The following TRIM29 variants were observed in gnomAD, a reference collection of about 807,000 sequenced individuals.
The protein encoded by TRIM29 is tripartite motif-containing protein 29.
TRIM29 carries 52 observed loss-of-function variants against 57.3 expected under a neutral mutation model. The ratio of observed to expected loss-of-function variants is 0.91; its 90% CI spans 0.73 to 1.14. TRIM29 has a LOEUF of 1.14. Ranked by LOEUF, TRIM29 falls within the 50% of genes most tolerant of loss-of-function variation. The probability of loss-of-function intolerance (pLI) is 0.00; values close to 1 mark genes in which losing one functional copy is unlikely to be tolerated. For missense variants in TRIM29, 753 were observed against 774.6 expected (o/e 0.97, Z 0.33); for synonymous variants, 319 against 316.9 (o/e 1.01, Z -0.07).
chr11:120,118,445 G>A (rs140387600), intron 6 of TRIM29, 124 bp from the exon 7 acceptor site: 375 of 672,910 alleles, frequency 5.6e-4, no homozygotes, highest in African/African-American at 4.3e-3. Flanking sequence ...GGATGCCACT[G>A]TGTGATCCCA....
intron 7 of TRIM29, 46 bp from the exon 8 acceptor site, chr11:120,115,460 C>T (rs1186228038): frequency 6.4e-7 from 1 of 1,556,124 alleles, no homozygotes; most frequent in South Asian, 1.2e-5. Flanking sequence ...CGCTGGTGGT[C>T]AGGGGTGCCC....
intron 2 of TRIM29, among the ~76,000 whole-genome samples, 167 bp downstream of exon 2, chr11:120,128,233 C>T (rs1022526143): frequency 1.3e-5 from 2 of 152,146 alleles, no homozygotes; most frequent in Non-Finnish European, 2.9e-5. Flanking sequence ...CTGGCTCAGA[C>T]TGAGAAGGGG....
chr11:120,122,090 C>T (rs1238218965), intron 5 of TRIM29: 3 of 388,624 alleles, frequency 7.7e-6, no homozygotes, highest in South Asian at 5.5e-5. Context: ...CTGTTGAGCT[C>T]ATCTCTCCAA....
intron 6 of TRIM29, among the ~76,000 whole-genome samples, chr11:120,119,605 T>A (rs1863383512): frequency 6.6e-6 from 1 of 152,186 alleles, no homozygotes; most frequent in Non-Finnish European, 1.5e-5. Context: ...CAGACACAGC[T>A]CTGTCCTCAA....
rs1244833862 is a variant in TRIM29, at chr11:120,137,528, G to A, written c.504C>T (p.Ser168=). Residue 168 remains serine, a synonymous_variant, in exon 1 of 9, where the codon TCC becomes TCT. Coordinates refer to ENST00000341846, the MANE Select transcript of TRIM29 (RefSeq NM_012101.4). The surrounding 1 kb of genome is among the most constrained non-coding windows in gnomAD (Gnocchi z 6.2). ...TGLFSRSKSG[S]EEVLCDSCIG... Reference sequence around the variant, plus strand: ...TGCAGGAGTCGCACAGCACCTCCTCGGAGCCGGACTTGGACCGTGAAAAAA... The same window carrying A: ...TGCAGGAGTCGCACAGCACCTCCTCAGAGCCGGACTTGGACCGTGAAAAAA... 2.5e-6 allele frequency: 4 copies of A among 1,606,292 alleles called. No homozygotes were observed. The highest frequency in any genetic ancestry group is 1.7e-6 in the Non-Finnish European group (2 of 1,179,964).
intron 5 of TRIM29, among the ~76,000 whole-genome samples, chr11:120,122,715 G>A (rs1161487720): frequency 6.6e-6 from 1 of 152,208 alleles, no homozygotes; most frequent in Admixed American, 6.5e-5. Context: ...CGGGAGGAAT[G>A]CCTCTGAGGA....
At chr11:120,129,542 G>T (rs1361275336) in intron 1 of TRIM29, among the ~76,000 whole-genome samples, 7 of 152,190 alleles carry the variant, frequency 4.6e-5, no homozygotes, top group Admixed American at 2.0e-4. Context: ...CAAAAGAATA[G>T]TCAAGGTGAG....
rs1366719532 is a variant in TRIM29 at position 120,123,875 on chromosome 11, C to T, written c.1334-820G>A. ...ATGCCCTCCTAGGTGTTAGCCCAGC[C>T]CTGTGCCCCACAGAGTCCAGGATGA... On this transcript the variant is annotated intron_variant, in intron 4 of 8. Transcript: ENST00000341846. 20 of 243,492 alleles carry T rather than the reference C, an allele frequency of 8.2e-5. No individual in the cohort carries two copies. In the Admixed American group the frequency reaches 9.8e-4, roughly 12 times the overall value. 15.1% of individuals were successfully genotyped at this position (243,492 alleles called of 1,614,324 possible). A position where few individuals can be genotyped will look rare whatever the true frequency, so the allele number is the denominator to read the frequency against.
Position 120,112,331 on chromosome 11 carries a change from C to T in TRIM29, c.*83G>A, listed in dbSNP as rs1236062358. 1.3e-6 allele frequency: 2 copies of T among 1,557,602 alleles called. No individual in the cohort carries two copies. The highest frequency in any genetic ancestry group is 1.7e-5 in the Admixed American group (1 of 58,670). On this transcript the variant is annotated 3_prime_UTR_variant, in exon 9 of 9. Coordinates refer to ENST00000341846, the MANE Select transcript of TRIM29 (RefSeq NM_012101.4). Reference sequence around the variant, plus strand: ...AGGACCAGGCTCCCTCCCACCCAGACAAGCACAGTAGCTTAGAAGGCAAGA... The same window carrying T: ...AGGACCAGGCTCCCTCCCACCCAGATAAGCACAGTAGCTTAGAAGGCAAGA...
intron 8 of TRIM29, among the ~76,000 whole-genome samples, chr11:120,114,342 A>G (rs1317723): frequency 0.84 from 128,363 of 152,192 alleles, 54,473 homozygotes; most frequent in African/African-American, 0.92. Flanking sequence ...AATGCCCCTG[A>G]GTCCAGCTCC....
chr11:120,128,275 A>T (rs1863640613), intron 2 of TRIM29, 125 bp downstream of exon 2: 4 of 741,384 alleles, frequency 5.4e-6, no homozygotes, highest in East Asian at 5.2e-5. Context: ...AGGTGGGAGA[A>T]GCCAGAAGAA....
chr11:120,122,163 T>TGTGA (rs780959243), intron 5 of TRIM29, among the ~76,000 whole-genome samples: 8,864 of 148,828 alleles, frequency 0.06, 399 homozygotes, highest in Admixed American at 0.12. Context: ...TGTGTGTGTG[T>TGTGA]GAAAGACGTG....
intron 5 of TRIM29, chr11:120,121,911 G>C (rs952193028): frequency 1.3e-5 from 6 of 448,026 alleles, no homozygotes; most frequent in South Asian, 6.3e-5. Context: ...AGGGGTGCTG[G>C]GGCCGGCACT....
chr11:120,112,529 A>G lies in TRIM29; in HGVS notation c.1705-53T>C, dbSNP rs372292487. 1.2e-4 allele frequency: 194 copies of G among 1,595,962 alleles called. 2 individuals are homozygous for G. The African/African-American group carries it at 2.4e-3, about 19-fold the overall frequency. On this transcript the variant is annotated intron_variant, in intron 8 of 8. Coordinates refer to ENST00000341846, the MANE Select transcript of TRIM29 (RefSeq NM_012101.4). Reference sequence around the variant, plus strand: ...AGGCCAGACGACAGATGAGCCTGCTAGCTAGACCCACCCTACCCTAACCTG... The same window carrying G: ...AGGCCAGACGACAGATGAGCCTGCTGGCTAGACCCACCCTACCCTAACCTG...
chr11:120,129,714 G>A (rs1206032744), intron 1 of TRIM29, among the ~76,000 whole-genome samples: 2 of 152,192 alleles, frequency 1.3e-5, no homozygotes, highest in Admixed American at 6.5e-5. Flanking sequence ...TCCGATGGCA[G>A]ATAGAGCTTC....
At chr11:120,123,704 C>T (rs961832722) in intron 4 of TRIM29, 17 of 341,852 alleles carry the variant, frequency 5.0e-5, no homozygotes, top group African/African-American at 1.5e-4. Context: ...CTTTCTCTTT[C>T]GACTTCCCCG....
chr11:120,119,059 G>A (rs1478479154), intron 6 of TRIM29, among the ~76,000 whole-genome samples: 3 of 152,182 alleles, frequency 2.0e-5, no homozygotes, highest in Non-Finnish European at 4.4e-5. Context: ...ACCAACGAAC[G>A]AATGAATACA....
chr11:120,115,562 C>T, intron 7 of TRIM29, 148 bp from the exon 8 acceptor site: 5 of 685,838 alleles, frequency 7.3e-6, no homozygotes, highest in Non-Finnish European at 1.2e-5. Flanking sequence ...ACGCGTGCAG[C>T]AGCCAGGGTG....
intron 6 of TRIM29, among the ~76,000 whole-genome samples, chr11:120,119,549 G>A (rs1440106934): frequency 6.6e-6 from 1 of 152,170 alleles, no homozygotes; most frequent in Non-Finnish European, 1.5e-5. Flanking sequence ...ACTGCTTCCT[G>A]ACCCCCTCCT....
Sources: allele counts gnomAD v4.1 joint callset (sites outside exome capture counted in the v4.1 genomes callset), GRCh38; gene constraint gnomAD v4.1.1; non-coding constraint Gnocchi (gnomAD v3.1); transcripts MANE v1.5; gene names NCBI Gene and HGNC (gene_info 2026-07-23, HGNC 2026-07-21).